MAP3K8: variants seen among roughly 807,000 people sequenced by gnomAD.
MAP3K8 encodes the protein Ewing sarcoma transformant.
Under a neutral mutation model 45.8 loss-of-function variants are expected in MAP3K8, and 22 were observed. The observed-to-expected ratio is 0.48, with a 90% CI of 0.34 to 0.69. The LOEUF is 0.69. Among genes scored for constraint, MAP3K8 ranks in the 30% least tolerant of loss-of-function variants. The pLI, the probability that MAP3K8 is intolerant of heterozygous loss-of-function variation, is 0.01. For missense variants in MAP3K8, 419 were observed against 585.0 expected (o/e 0.72, Z 2.93); for synonymous variants, 223 against 214.3 (o/e 1.04, Z -0.36).
At chr10:30,440,519 C>T (rs1465298814) in intron 3 of MAP3K8, among the ~76,000 whole-genome samples, 2 of 152,156 alleles carry the variant, frequency 1.3e-5, no homozygotes, top group Non-Finnish European at 2.9e-5. Flanking sequence ...TCAACCATAG[C>T]TCACAATGGA....
rs550083335 is a variant in MAP3K8 at position 30,460,875 on chromosome 10, C to A, written c.*39C>A. The A allele has an allele frequency of 1.9e-6, 3 of 1,608,232 alleles. No individual in the cohort carries two copies. Among genetic ancestry groups the A allele is most frequent in the East Asian group, 2.2e-5 (1 of 44,832 alleles). On this transcript the variant is annotated 3_prime_UTR_variant, in exon 9 of 9. Transcript: ENST00000263056. The stretch of plus-strand genomic sequence containing the variant: ...TGCTCTAAATTAAGACAGCATTGAT[C>A]TCCTGGAGGCTGGTTCTGCTGCCTC...
At chr10:30,438,206 T>C (rs1472589431) in intron 2 of MAP3K8, among the ~76,000 whole-genome samples, 1 of 152,228 alleles carries the variant, frequency 6.6e-6, no homozygotes, top group Non-Finnish European at 1.5e-5. Context: ...TATTAAAGAA[T>C]TCTGGTCCTA....
chr10:30,459,053 G>A (rs2132836333), intron 7 of MAP3K8, among the ~76,000 whole-genome samples: 1 of 152,304 alleles, frequency 6.6e-6, no homozygotes, highest in African/African-American at 2.4e-5. Context: ...CTCCAGCCTG[G>A]ATGACAGAGC....
At chr10:30,439,431 G>GA in intron 3 of MAP3K8, 157 bp downstream of exon 3, 2 of 1,302,346 alleles carry the variant, frequency 1.5e-6, no homozygotes, top group South Asian at 1.9e-5. Flanking sequence ...TGTTAAAGAT[G>GA]CAAAAAAAAA....
chr10:30,444,636 A>G (rs1392431309), intron 3 of MAP3K8, among the ~76,000 whole-genome samples: 1 of 152,228 alleles, frequency 6.6e-6, no homozygotes, highest in Non-Finnish European at 1.5e-5. Flanking sequence ...GCTGGTCCCC[A>G]GAATCTGGGA....
rs1449733821 is a variant in MAP3K8, at chr10:30,437,366, A to G, written c.-64A>G. The G allele has an allele frequency of 7.4e-6, 7 of 941,866 alleles. No homozygotes were observed. The highest frequency in any genetic ancestry group is 8.9e-6 in the Non-Finnish European group (7 of 790,278). The allele number at this position is 941,866 out of a possible 1,614,324, so 58.3% of individuals were successfully genotyped here. A position where few individuals can be genotyped will look rare whatever the true frequency, so the allele number is the denominator to read the frequency against. ...CCCCTGACACTGCACTGAGCACTTT[A>G]TGAGCTTGAACTCTGTTAATCCTCA... On this transcript the variant is annotated 5_prime_UTR_variant, in exon 2 of 9. An upstream start codon of the reference 5' UTR is lost. Coordinates refer to ENST00000263056, the MANE Select transcript of MAP3K8 (RefSeq NM_005204.4).
intron 1 of MAP3K8, among the ~76,000 whole-genome samples, chr10:30,435,231 T>C (rs1199083017): frequency 6.6e-6 from 1 of 152,150 alleles, no homozygotes; most frequent in Non-Finnish European, 1.5e-5. Flanking sequence ...ACAGAAAGGC[T>C]CTTGCAGTTG....
chr10:30,435,380 A>T (rs1414113302), intron 1 of MAP3K8, among the ~76,000 whole-genome samples: 1 of 152,116 alleles, frequency 6.6e-6, no homozygotes, highest in African/African-American at 2.4e-5. Context: ...TTTGTCGTGT[A>T]AAGCAAATGG....
Position 30,461,003 on chromosome 10 carries a change from G to T in MAP3K8, c.*167G>T. On this transcript the variant is annotated 3_prime_UTR_variant, in exon 9 of 9. Transcript: ENST00000263056. ...CCAAGCGGCCCTGTGTGTTTGACAT[G>T]TGAAGCTATTTGATATGCACCAGGT... 1.4e-6 allele frequency: 1 copy of T among 696,840 alleles called. No homozygotes were observed. 43.2% of individuals were successfully genotyped at this position (696,840 alleles called of 1,614,324 possible).
In MAP3K8 at chr10:30,460,909, G is replaced by A. The variant is rs1330513065; in HGVS notation, c.*73G>A. 6.4e-6 allele frequency: 10 copies of A among 1,559,190 alleles called. No homozygotes were observed. The African/African-American group carries it at 1.4e-4, about 21-fold the overall frequency. ...GCTGGTTCTGCTGCCTCTACACAGGGGCCCTGTACAGTGAATGGTGCCATT... is the reference window on the plus strand; with the variant it reads ...GCTGGTTCTGCTGCCTCTACACAGGAGCCCTGTACAGTGAATGGTGCCATT... On this transcript the variant is annotated 3_prime_UTR_variant, in exon 9 of 9. Coordinates refer to ENST00000263056, the MANE Select transcript of MAP3K8 (RefSeq NM_005204.4).
chr10:30,438,796 C>G, intron 2 of MAP3K8, 120 bp from the exon 3 acceptor site: 1 of 613,926 alleles, frequency 1.6e-6, no homozygotes, highest in Non-Finnish European at 2.8e-6. Context: ...GACACAGAAC[C>G]CTCGTTTTCT....
At chr10:30,460,661 T>G in intron 8 of MAP3K8, 45 bp from the exon 9 acceptor site, 2 of 1,521,428 alleles carry the variant, frequency 1.3e-6, no homozygotes, top group Non-Finnish European at 1.8e-6. Context: ...ATTTATCATT[T>G]GACACGTTTT....
At chr10:30,439,496 C>G in intron 3 of MAP3K8, 4 of 1,004,568 alleles carry the variant, frequency 4.0e-6, no homozygotes, top group Non-Finnish European at 2.9e-6. Flanking sequence ...AGTAGTATTT[C>G]TACAAATAGG....
Position 30,450,380 on chromosome 10 carries a change from A to T in MAP3K8, c.627A>T (p.Ala209=). The T allele has an allele frequency of 6.2e-7, 1 of 1,614,164 alleles. No homozygotes were observed. The highest frequency in any genetic ancestry group is 1.1e-5 in the South Asian group (1 of 91,080). ...AAACTGTCCATCTCTTTATGGAAGC[A>T]GGCGAGGGAGGGTCTGTTCTGGAGA... ...WGETVHLFME[A]GEGGSVLEKL... The change falls in exon 5 of 9, where the codon GCA becomes GCT. Residue 209 remains alanine, a synonymous_variant. Coordinates refer to ENST00000263056, the MANE Select transcript of MAP3K8 (RefSeq NM_005204.4).
At chr10:30,457,098 G>C (rs76139581) in intron 6 of MAP3K8, among the ~76,000 whole-genome samples, 1 of 145,768 alleles carries the variant, frequency 6.9e-6, no homozygotes, top group African/African-American at 2.5e-5. Context: ...AAAAAAAAAA[G>C]CCAAAGTGCT....
chr10:30,454,374 G>A (rs8177017), intron 6 of MAP3K8, among the ~76,000 whole-genome samples: 2,198 of 130,848 alleles, frequency 0.017, 39 homozygotes, highest in African/African-American at 0.044. Flanking sequence ...AGACCCCATC[G>A]CTACAAAAAG....
chr10:30,440,690 G>A (rs996517419), intron 3 of MAP3K8, among the ~76,000 whole-genome samples: 10 of 152,196 alleles, frequency 6.6e-5, no homozygotes, highest in Admixed American at 6.5e-4. Context: ...CCCAAATAAA[G>A]GATAGTTGGA....
At chr10:30,447,267 A>G (rs1198211225) in intron 3 of MAP3K8, among the ~76,000 whole-genome samples, 1 of 152,246 alleles carries the variant, frequency 6.6e-6, no homozygotes, top group Non-Finnish European at 1.5e-5. Context: ...GCCCTCACTT[A>G]ATTTACATAG....
Position 30,440,089 on chromosome 10 carries a change from T to C in MAP3K8, c.336+815T>C, listed in dbSNP as rs141347534. ...AAAGTATGAATGGCAAGTGATATAT[T>C]TGCTTAATCATCGCAAGTATGCAAA... is the stretch of plus-strand genomic sequence containing the variant. On this transcript the variant is annotated intron_variant, in intron 3 of 8. Coordinates refer to ENST00000263056, the MANE Select transcript of MAP3K8 (RefSeq NM_005204.4). 4.6e-5 allele frequency among the ~76,000 whole-genome samples: 7 copies of C among 152,382 alleles called. No homozygotes were observed. In the East Asian group the frequency reaches 1.3e-3, roughly 29 times the overall value.
Sources: gnomAD v4.1 joint callset for allele counts (sites outside exome capture counted in the v4.1 genomes callset) on GRCh38, gnomAD v4.1.1 for gene constraint, MANE v1.5 for transcripts, NCBI Gene and HGNC (gene_info 2026-07-23, HGNC 2026-07-21) for gene names.